RIMS2: variants seen among roughly 807,000 people sequenced by gnomAD.
RIMS2 encodes the protein regulating synaptic membrane exocytosis 2.
RIMS2 carries 59 observed loss-of-function variants against 174.4 expected under a neutral mutation model. The observed-to-expected ratio is 0.34, with a 90% confidence interval of 0.27 to 0.42. RIMS2 has a LOEUF of 0.42. RIMS2 is among the 10% of genes least tolerant of loss of function. RIMS2 has a pLI of 1.00. For missense variants in RIMS2, 1,620 were observed against 1,666.3 expected (o/e 0.97, Z 0.48); for synonymous variants, 606 against 572.5 (o/e 1.06, Z -0.84).
intron 1 of RIMS2, among the ~76,000 whole-genome samples, chr8:103,547,395 T>G (rs2131449375): frequency 6.6e-6 from 1 of 152,286 alleles, no homozygotes; most frequent in African/African-American, 2.4e-5. Context: ...TTAAACAATC[T>G]TCTCCTGAAT....
intron 1 of RIMS2, among the ~76,000 whole-genome samples, chr8:103,640,333 G>A (rs1287549305): frequency 6.6e-6 from 1 of 151,774 alleles, no homozygotes; most frequent in Admixed American, 6.6e-5. Context: ...TCAAAGAGGT[G>A]GCTTTTGGTA....
chr8:103,703,788 C>A (rs534959514), intron 2 of RIMS2, among the ~76,000 whole-genome samples: 5 of 151,834 alleles, frequency 3.3e-5, no homozygotes, highest in African/African-American at 1.2e-4. Context: ...ATTTTGTTTT[C>A]AGATTGCTGC....
At chr8:104,039,820 TA>T (rs2096579194) in intron 19 of RIMS2, among the ~76,000 whole-genome samples, 1 of 151,784 alleles carries the variant, frequency 6.6e-6, no homozygotes, top group Non-Finnish European at 1.5e-5. Context: ...TGTGTCATTT[TA>T]ATGTGTATTA....
At chr8:103,891,816 G>T (rs2099247602) in intron 4 of RIMS2, among the ~76,000 whole-genome samples, 1 of 152,026 alleles carries the variant, frequency 6.6e-6, no homozygotes, top group Non-Finnish European at 1.5e-5. Flanking sequence ...AATGGTGGTG[G>T]ATTAATTTGT....
chr8:104,114,355 A>C (rs1372710187), intron 19 of RIMS2, among the ~76,000 whole-genome samples: 1 of 151,976 alleles, frequency 6.6e-6, no homozygotes, highest in Non-Finnish European at 1.5e-5. Context: ...TTGGTATTAA[A>C]TCAGTACATA....
chr8:104,153,873 G>A (rs1419241505), intron 19 of RIMS2, among the ~76,000 whole-genome samples: 3 of 152,164 alleles, frequency 2.0e-5, no homozygotes, highest in African/African-American at 7.2e-5. Flanking sequence ...CTGTGTCAGG[G>A]ACTCTGACAG....
intron 3 of RIMS2, among the ~76,000 whole-genome samples, chr8:103,793,687 T>C (rs931148756): frequency 1.2e-4 from 19 of 152,088 alleles, no homozygotes; most frequent in African/African-American, 3.9e-4. Flanking sequence ...AAAACCCCAT[T>C]GTCTCAGCCC....
intron 19 of RIMS2, among the ~76,000 whole-genome samples, chr8:104,087,027 T>G (rs1472089495): frequency 6.6e-6 from 1 of 152,114 alleles, no homozygotes; most frequent in Non-Finnish European, 1.5e-5. Context: ...TTGGAATTTT[T>G]TTTCCTCAGA....
At chr8:104,009,595 C>T (rs1364301397) in intron 17 of RIMS2, among the ~76,000 whole-genome samples, 1 of 152,118 alleles carries the variant, frequency 6.6e-6, no homozygotes, top group Non-Finnish European at 1.5e-5. Flanking sequence ...GTGTCAGGCA[C>T]TTCTGCTATT....
chr8:103,677,101 G>T (rs572648991), intron 1 of RIMS2, among the ~76,000 whole-genome samples: 1 of 152,222 alleles, frequency 6.6e-6, no homozygotes, highest in South Asian at 2.1e-4. Flanking sequence ...TGCTTTTGGG[G>T]CTTAATACTT....
intron 19 of RIMS2, among the ~76,000 whole-genome samples, chr8:104,217,041 A>C (rs1055292796): frequency 4.6e-5 from 7 of 152,132 alleles, no homozygotes; most frequent in Non-Finnish European, 8.8e-5. Context: ...CCAGATATTT[A>C]TTCTTCCCCT....
chr8:104,142,120 C>CTTTTTTTTTTTTTTTTTTTT (rs71297257), intron 19 of RIMS2, among the ~76,000 whole-genome samples: 1 of 131,996 alleles, frequency 7.6e-6, no homozygotes, highest in Non-Finnish European at 1.6e-5. Context: ...AAATATCTTC[C>CTTTTTTTTTTTTTTTTTTTT]TTTTTTTTTT....
At chr8:103,503,242 T>C (rs1273699227) in intron 1 of RIMS2, among the ~76,000 whole-genome samples, 2 of 151,960 alleles carry the variant, frequency 1.3e-5, no homozygotes, top group Non-Finnish European at 2.9e-5. Context: ...AACAAAAAGT[T>C]ATTTGGAGGT....
chr8:104,226,201 G>A (rs1050784874), intron 19 of RIMS2, among the ~76,000 whole-genome samples: 3 of 152,130 alleles, frequency 2.0e-5, no homozygotes, highest in Non-Finnish European at 2.9e-5. Context: ...TAAAGAGCAC[G>A]GATCTACTAA....
At chr8:103,886,307 A>G (rs1289038631) in intron 4 of RIMS2, 84 bp downstream of exon 7, 1 of 1,145,688 alleles carries the variant, frequency 8.7e-7, no homozygotes, top group Non-Finnish European at 1.2e-6. Context: ...TGAAAATTTA[A>G]TAGGTATTAC....
intron 1 of RIMS2, among the ~76,000 whole-genome samples, chr8:103,639,924 C>A (rs1175458819): frequency 2.0e-5 from 3 of 151,900 alleles, no homozygotes; most frequent in South Asian, 4.1e-4. Flanking sequence ...TAGATCAAAT[C>A]ATAAGAACTG....
At chr8:103,597,953 T>A (rs1347251288) in intron 1 of RIMS2, among the ~76,000 whole-genome samples, 2 of 152,310 alleles carry the variant, frequency 1.3e-5, no homozygotes, top group Admixed American at 1.3e-4. Context: ...ATTTTATTTT[T>A]AATTATATGC....
At chr8:103,690,395 G>A (rs961306475) in intron 1 of RIMS2, among the ~76,000 whole-genome samples, 1 of 151,894 alleles carries the variant, frequency 6.6e-6, no homozygotes, top group Admixed American at 6.6e-5. Context: ...TGTCTTCTTT[G>A]TAGTGAAGGT....
At chr8:103,675,317 C>G (rs1375613881) in intron 1 of RIMS2, among the ~76,000 whole-genome samples, 5 of 152,182 alleles carry the variant, frequency 3.3e-5, no homozygotes, top group Admixed American at 1.3e-4. Context: ...CAGGGCCCAT[C>G]TGGGTCCTGA....
Sources: gnomAD v4.1 joint callset for allele counts (sites outside exome capture counted in the v4.1 genomes callset) on GRCh38, gnomAD v4.1.1 for gene constraint, MANE v1.5 for transcripts, NCBI Gene and HGNC (gene_info 2026-07-23, HGNC 2026-07-21) for gene names.